The following SLC26A7 variants were observed in gnomAD, a reference collection of about 807,000 sequenced individuals.
The protein encoded by SLC26A7 is anion exchange transporter.
A neutral mutation model predicts 82.5 loss-of-function variants in SLC26A7; 59 were observed. The observed-to-expected ratio is 0.72, with a 90% CI of 0.58 to 0.89. The LOEUF (loss-of-function observed/expected upper bound fraction) is 0.89, where lower values mean the gene tolerates loss of function less well. Ranked by LOEUF, SLC26A7 falls within the 40% of genes least tolerant of loss-of-function variation. SLC26A7 has a pLI of 0.00. For synonymous variants in SLC26A7, 271 were observed against 274.3 expected (o/e 0.99, Z 0.12); for missense variants, 820 against 793.0 (o/e 1.03, Z -0.41).
At chr8:91,248,328 T>C (rs1464532674), upstream of SLC26A7, among the ~76,000 whole-genome samples, 1 of 152,064 alleles carries the variant, frequency 6.6e-6, no homozygotes, top group Non-Finnish European at 1.5e-5. Context: ...GGAGAGCAAC[T>C]CTTCACTTTA....
intron 2 of SLC26A7, among the ~76,000 whole-genome samples, chr8:91,236,844 G>T (rs932576453): frequency 1.3e-5 from 2 of 152,116 alleles, no homozygotes; most frequent in Non-Finnish European, 2.9e-5. Context: ...TATATGTGCA[G>T]AATAAAACAA....
At chr8:91,265,078 T>G (rs1811074922) in intron 2 of SLC26A7, among the ~76,000 whole-genome samples, 1 of 152,052 alleles carries the variant, frequency 6.6e-6, no homozygotes, top group South Asian at 2.1e-4. Flanking sequence ...AACCACTATT[T>G]TACTCTCTAC....
At chr8:91,266,912 T>C (rs191199829) in intron 2 of SLC26A7, among the ~76,000 whole-genome samples, 233 of 152,082 alleles carry the variant, frequency 1.5e-3, no homozygotes, top group Non-Finnish European at 2.7e-3. Context: ...GGTATATTCC[T>C]TCCATATCTA....
intron 15 of SLC26A7, among the ~76,000 whole-genome samples, chr8:91,372,026 T>C (rs1814376959): frequency 6.6e-6 from 1 of 152,020 alleles, no homozygotes; most frequent in Non-Finnish European, 1.5e-5. Flanking sequence ...TGGTCGCATG[T>C]ATGTCTTCTT....
intron 6 of SLC26A7, 93 bp downstream of exon 6, chr8:91,334,540 C>T: frequency 9.2e-7 from 1 of 1,090,404 alleles, no homozygotes; most frequent in Admixed American, 2.9e-5. Flanking sequence ...TCTGTAGTAA[C>T]CCTCAGCTAC....
rs112566647 is a variant in SLC26A7 at position 91,286,515 on chromosome 8, G to A, written c.194-2621G>A. ...AGCCATCCTCTTTTGAGACCCATTA[G>A]CCTAACACTGTGTCTATTCCTTGAT... On this transcript the variant is annotated intron_variant, in intron 2 of 18. Coordinates refer to ENST00000276609, the MANE Select transcript of SLC26A7 (RefSeq NM_052832.4). 7.0e-3 allele frequency among the ~76,000 whole-genome samples: 1,073 copies of A among 152,260 alleles called. 11 individuals are homozygous for A. Among genetic ancestry groups the A allele is most frequent in the African/African-American group, 0.025 (1,025 of 41,528 alleles).
chr8:91,368,164 A>G (rs184897973), intron 14 of SLC26A7, among the ~76,000 whole-genome samples: 33 of 152,300 alleles, frequency 2.2e-4, no homozygotes, highest in African/African-American at 7.0e-4. Flanking sequence ...ATCACACTGT[A>G]TCAAGGGTAC....
chr8:91,321,002 G>A lies in SLC26A7; in HGVS notation c.642+2622G>A, dbSNP rs187907184. Among the ~76,000 whole-genome samples, 142 of 152,256 alleles carry A rather than the reference G, an allele frequency of 9.3e-4. 2 individuals carry two copies. Among genetic ancestry groups the A allele is most frequent in the Non-Finnish European group, 3.7e-4 (25 of 68,016 alleles). On this transcript the variant is annotated intron_variant, in intron 5 of 18. Coordinates refer to ENST00000276609, the MANE Select transcript of SLC26A7 (RefSeq NM_052832.4). ...TTTTTGTCAAAAGAGTCCAGTTTTA[G>A]CCAATCAAAATGTCCATTGATTAAT... is the stretch of plus-strand genomic sequence containing the variant.
chr8:91,212,139 T>C (rs1809939366), intron 1 of SLC26A7, among the ~76,000 whole-genome samples: 1 of 152,132 alleles, frequency 6.6e-6, no homozygotes, highest in African/African-American at 2.4e-5. Context: ...ATTTCAATAT[T>C]AGCTACTAAT....
intron 2 of SLC26A7, among the ~76,000 whole-genome samples, chr8:91,243,012 A>C (rs1563640407): frequency 6.6e-6 from 1 of 152,218 alleles, no homozygotes; most frequent in African/African-American, 2.4e-5. Flanking sequence ...ACATAAAAAA[A>C]TATAGAGAAT....
chr8:91,330,021 T>C (rs1173841330), intron 5 of SLC26A7, among the ~76,000 whole-genome samples: 8 of 152,120 alleles, frequency 5.3e-5, no homozygotes, highest in Admixed American at 5.3e-4. Context: ...GACATTGTAG[T>C]ACCTACTTTT....
chr8:91,307,746 A>T (rs10046645), intron 4 of SLC26A7, among the ~76,000 whole-genome samples: 1 of 144,438 alleles, frequency 6.9e-6, no homozygotes, highest in South Asian at 2.3e-4. Context: ...ACATGTATAC[A>T]TATGTAACTA....
intron 4 of SLC26A7, among the ~76,000 whole-genome samples, chr8:91,304,198 C>T (rs769801930): frequency 3.3e-5 from 5 of 152,122 alleles, no homozygotes; most frequent in Non-Finnish European, 5.9e-5. Context: ...GATAAAGATA[C>T]TGAAGATAAA....
intron 15 of SLC26A7, among the ~76,000 whole-genome samples, chr8:91,388,307 C>T (rs1814857160): frequency 6.6e-6 from 1 of 151,254 alleles, no homozygotes; most frequent in Non-Finnish European, 1.5e-5. Flanking sequence ...AGTGCAGTGG[C>T]GGGATCTCGG....
upstream of SLC26A7, among the ~76,000 whole-genome samples, chr8:91,248,693 A>G (rs117172580): frequency 3.5e-3 from 540 of 152,302 alleles, 3 homozygotes; most frequent in Admixed American, 5.9e-3. Flanking sequence ...AGGCAGCACC[A>G]TAAAAAAAGC....
At chr8:91,352,597 C>T (rs950143776) in intron 10 of SLC26A7, among the ~76,000 whole-genome samples, 3 of 151,980 alleles carry the variant, frequency 2.0e-5, no homozygotes, top group Non-Finnish European at 2.9e-5. Context: ...ACCGTGAATA[C>T]GTTTAGTTAA....
chr8:91,343,401 T>A lies in SLC26A7; in HGVS notation c.1075T>A (p.Cys359Ser), dbSNP rs201059898. The A allele has an allele frequency of 5.6e-6, 9 of 1,613,088 alleles. No homozygotes were observed. Among genetic ancestry groups the A allele is most frequent in the Non-Finnish European group, 7.6e-6 (9 of 1,179,808 alleles). The change falls in exon 9 of 19, where the codon TGC becomes AGC. Residue 359 changes from cysteine (C) to serine (S), a missense_variant. Cys to Ser is a moderately radical substitution (Grantham distance 112). Coordinates refer to ENST00000276609, the MANE Select transcript of SLC26A7 (RefSeq NM_052832.4). ...LSNIVSSFFF[C>S]IPSAAAMGRT... ...CAATATAGTTTCTTCATTTTTCTTC[T>A]GCATACCAAGTGCTGCTGCCATGGG...
chr8:91,216,178 C>T (rs1226793253), intron 1 of SLC26A7, among the ~76,000 whole-genome samples: 1 of 152,106 alleles, frequency 6.6e-6, no homozygotes, highest in Non-Finnish European at 1.5e-5. Context: ...ATTTAATAGA[C>T]TTCTAAAAAT....
chr8:91,250,445 G>A (rs1307872610), intron 2 of SLC26A7, among the ~76,000 whole-genome samples: 2 of 152,096 alleles, frequency 1.3e-5, no homozygotes, highest in Non-Finnish European at 2.9e-5. Flanking sequence ...CTGGTGAGAA[G>A]TCTGATTTTA....
Sources: allele counts gnomAD v4.1 joint callset (sites outside exome capture counted in the v4.1 genomes callset), GRCh38; gene constraint gnomAD v4.1.1; transcripts MANE v1.5; gene names NCBI Gene and HGNC (gene_info 2026-07-23, HGNC 2026-07-21).